Variants in CNTN5 observed in about 807,000 individuals in gnomAD.
CNTN5 encodes the protein contactin 5, also known as contactin-5.
A neutral mutation model predicts 129.1 loss-of-function variants in CNTN5; 77 were observed. The observed-to-expected ratio is 0.60, with a 90% CI of 0.50 to 0.72. The LOEUF (loss-of-function observed/expected upper bound fraction) is 0.72. Ranked by LOEUF, CNTN5 falls within the 30% of genes least tolerant of loss-of-function variation. The pLI, the probability that CNTN5 is intolerant of heterozygous loss-of-function variation, is 0.00. For synonymous variants in CNTN5, 509 were observed against 465.6 expected (o/e 1.09, Z -1.20); for missense variants, 1,478 against 1,328.8 (o/e 1.11, Z -1.75).
chr11:99,079,344 C>G (rs1865702912), intron 1 of CNTN5, among the ~76,000 whole-genome samples: 1 of 152,066 alleles, frequency 6.6e-6, no homozygotes, highest in Non-Finnish European at 1.5e-5. Flanking sequence ...ATAAACAACA[C>G]AGCAAATCCA....
chr11:99,733,515 A>G (rs975298772), intron 3 of CNTN5, among the ~76,000 whole-genome samples: 37 of 152,048 alleles, frequency 2.4e-4, no homozygotes, highest in Admixed American at 1.3e-4. Context: ...GGTGGTAGCT[A>G]TGGCAGTAAC....
At chr11:100,052,898 G>T (rs1382613070) in intron 9 of CNTN5, among the ~76,000 whole-genome samples, 1 of 151,704 alleles carries the variant, frequency 6.6e-6, no homozygotes, top group Non-Finnish European at 1.5e-5. Flanking sequence ...AGAAAGCTCA[G>T]AAATTTACCT....
intron 15 of CNTN5, among the ~76,000 whole-genome samples, chr11:100,210,048 T>C (rs959430502): frequency 6.7e-6 from 1 of 149,262 alleles, no homozygotes; most frequent in Non-Finnish European, 1.5e-5. Flanking sequence ...GTTAAAAAAA[T>C]AGTCCAGCCT....
chr11:99,220,872 C>T lies in CNTN5; in HGVS notation c.-209-104474C>T, dbSNP rs539929088. ...ATTCTAAATTTTCACCTTATGAAAA[C>T]AATGATTTAAAAAAAAAATCAGCTT... On this transcript the variant is annotated intron_variant, in intron 1 of 24. Transcript: ENST00000524871. 4.0e-5 allele frequency among the ~76,000 whole-genome samples: 6 copies of T among 151,736 alleles called. No individual in the cohort carries two copies. In the South Asian group the frequency reaches 1.0e-3, roughly 26 times the overall value.
chr11:99,208,309 C>A (rs915960386), intron 1 of CNTN5, among the ~76,000 whole-genome samples: 28 of 152,108 alleles, frequency 1.8e-4, no homozygotes, highest in African/African-American at 6.5e-4. Flanking sequence ...ATTTACAGTG[C>A]CTTTTCTGTG....
At chr11:100,272,532 A>AAAAG (rs1288183950) in intron 18 of CNTN5, among the ~76,000 whole-genome samples, 1 of 151,924 alleles carries the variant, frequency 6.6e-6, no homozygotes, top group Non-Finnish European at 1.5e-5. Flanking sequence ...GGAGGGAGGG[A>AAAAG]AAAGAAAGAA....
At chr11:99,904,485 G>A (rs768061732) in intron 6 of CNTN5, among the ~76,000 whole-genome samples, 21 of 149,094 alleles carry the variant, frequency 1.4e-4, no homozygotes, top group African/African-American at 9.7e-5. Flanking sequence ...CCTTTTTTAC[G>A]GCTGCATAGT....
intron 3 of CNTN5, among the ~76,000 whole-genome samples, chr11:99,744,071 TGGG>T (rs1407105078): frequency 6.6e-6 from 1 of 151,978 alleles, no homozygotes; most frequent in East Asian, 1.9e-4. Context: ...ATATTGGAAA[TGGG>T]GGAGGGGGAA....
intron 16 of CNTN5, among the ~76,000 whole-genome samples, chr11:100,250,980 A>G (rs1949951913): frequency 6.6e-6 from 1 of 152,184 alleles, no homozygotes; most frequent in African/African-American, 2.4e-5. Flanking sequence ...ATGAAACAGA[A>G]TAAATGTAAC....
intron 2 of CNTN5, among the ~76,000 whole-genome samples, chr11:99,496,499 G>A (rs941308554): frequency 3.9e-5 from 6 of 152,266 alleles, no homozygotes; most frequent in Non-Finnish European, 8.8e-5. Context: ...AAGAAATACA[G>A]TTCAACTGTC....
intron 9 of CNTN5, among the ~76,000 whole-genome samples, chr11:100,048,315 T>G (rs977916863): frequency 6.6e-6 from 1 of 152,122 alleles, no homozygotes; most frequent in Non-Finnish European, 1.5e-5. Flanking sequence ...ATCCCCCAGG[T>G]TCTTCTTTGG....
chr11:99,926,252 AGCTGACAAG>A (rs1200730096), intron 7 of CNTN5, among the ~76,000 whole-genome samples: 1 of 152,146 alleles, frequency 6.6e-6, no homozygotes, highest in Non-Finnish European at 1.5e-5. Context: ...GTTGACATCA[AGCTGACAAG>A]GCAACTAGAA....
intron 2 of CNTN5, among the ~76,000 whole-genome samples, chr11:99,439,370 C>T (rs763520867): frequency 3.4e-4 from 52 of 151,464 alleles, no homozygotes; most frequent in Non-Finnish European, 2.4e-4. Flanking sequence ...AAAAAAATAA[C>T]GTTAAAAATA....
At chr11:99,550,351 G>A (rs1471991815) in intron 2 of CNTN5, among the ~76,000 whole-genome samples, 2 of 152,038 alleles carry the variant, frequency 1.3e-5, no homozygotes, top group Admixed American at 6.6e-5. Flanking sequence ...TATAACTTTG[G>A]CCACATTTTG....
At chr11:99,439,664 C>T (rs1189800736) in intron 2 of CNTN5, among the ~76,000 whole-genome samples, 63 of 144,622 alleles carry the variant, frequency 4.4e-4, no homozygotes, top group East Asian at 8.2e-4. Context: ...GCCAAGATTG[C>T]GCCACTGCAC....
At chr11:100,017,134 C>T (rs1940868798) in intron 9 of CNTN5, among the ~76,000 whole-genome samples, 3 of 151,864 alleles carry the variant, frequency 2.0e-5, no homozygotes, top group Middle Eastern at 3.4e-3. Context: ...TATTTATGGC[C>T]TTTTTCTCAA....
intron 13 of CNTN5, among the ~76,000 whole-genome samples, chr11:100,157,115 CTTTTT>C (rs1947271503): frequency 6.6e-6 from 1 of 151,778 alleles, no homozygotes; most frequent in Non-Finnish European, 1.5e-5. Flanking sequence ...TCCCTGCTTT[CTTTTT>C]ATCACTTTTC....
rs549566011 is a variant in CNTN5, at chr11:100,071,593, T to A, written c.1300-112T>A. ...TTTACATTGCTAAGTGGCCAAATAA[T>A]GTTTAACTGTATTAATTGCAAACTT... On this transcript the variant is annotated intron_variant, in intron 11 of 24. Transcript: ENST00000524871. 7.6e-5 allele frequency: 49 copies of A among 644,338 alleles called. 1 individual carries two copies. The African/African-American group carries it at 9.1e-4, about 12-fold the overall frequency. 39.9% of individuals were successfully genotyped at this position (644,338 alleles called of 1,614,324 possible). A position where few individuals can be genotyped will look rare whatever the true frequency, so the allele number is the denominator to read the frequency against.
chr11:99,511,854 T>A (rs530366932), intron 2 of CNTN5, among the ~76,000 whole-genome samples: 1 of 151,632 alleles, frequency 6.6e-6, no homozygotes, highest in Non-Finnish European at 1.5e-5. Flanking sequence ...AAATAAATAA[T>A]TTTGAATATG....
Sources: allele counts gnomAD v4.1 joint callset (sites outside exome capture counted in the v4.1 genomes callset), GRCh38; gene constraint gnomAD v4.1.1; transcripts MANE v1.5; gene names NCBI Gene and HGNC (gene_info 2026-07-23, HGNC 2026-07-21).